ELMO1: variants seen among roughly 807,000 people sequenced by gnomAD.
ELMO1 encodes engulfment and cell motility 1, also known as engulfment and cell motility protein 1.
A neutral mutation model predicts 98.9 loss-of-function variants in ELMO1; 26 were observed. That is an observed-to-expected ratio of 0.26 (90% CI 0.19 to 0.36). The LOEUF (loss-of-function observed/expected upper bound fraction) is 0.36, where lower values mean the gene tolerates loss of function less well. Among genes scored for constraint, ELMO1 ranks in the 10% least tolerant of loss-of-function variants. ELMO1 has a pLI of 1.00. For synonymous variants in ELMO1, 346 were observed against 346.0 expected (o/e 1.00, Z 0.00); for missense variants, 627 against 935.2 (o/e 0.67, Z 4.30).
At chr7:36,930,994 T>C (rs549199774) in intron 16 of ELMO1, among the ~76,000 whole-genome samples, 16 of 152,366 alleles carry the variant, frequency 1.1e-4, no homozygotes, top group African/African-American at 3.8e-4. Context: ...AGTTTCTTTC[T>C]TTCCTATTAC....
intron 13 of ELMO1, among the ~76,000 whole-genome samples, chr7:37,169,022 A>G (rs1584755397): frequency 2.6e-5 from 4 of 151,934 alleles, no homozygotes; most frequent in Admixed American, 2.6e-4. Context: ...TGCTTTGTTT[A>G]CCTAAGCAAG....
chr7:37,325,034 T>C (rs745572612), intron 2 of ELMO1, among the ~76,000 whole-genome samples: 11 of 152,212 alleles, frequency 7.2e-5, no homozygotes, highest in Non-Finnish European at 1.3e-4. Flanking sequence ...TGGTACATAG[T>C]AGGGCATTAC....
intron 14 of ELMO1, among the ~76,000 whole-genome samples, chr7:37,098,522 T>C (rs893335165): frequency 6.6e-6 from 1 of 152,118 alleles, no homozygotes; most frequent in African/African-American, 2.4e-5. Context: ...TATGTCAAGG[T>C]ATGTGAGAAA....
intron 15 of ELMO1, among the ~76,000 whole-genome samples, chr7:37,036,690 T>C (rs899995031): frequency 2.6e-5 from 4 of 152,190 alleles, no homozygotes; most frequent in Non-Finnish European, 5.9e-5. Context: ...AGGATTGTTA[T>C]AGGAGGTTAC....
At chr7:37,410,965 T>C (rs1332437493) in intron 1 of ELMO1, among the ~76,000 whole-genome samples, 1 of 152,230 alleles carries the variant, frequency 6.6e-6, no homozygotes, top group Non-Finnish European at 1.5e-5. Context: ...AGAGAATTAA[T>C]GTTTACTGCA....
At chr7:37,405,950 C>A (rs1170162430) in intron 1 of ELMO1, among the ~76,000 whole-genome samples, 1 of 152,202 alleles carries the variant, frequency 6.6e-6, no homozygotes, top group African/African-American at 2.4e-5. Context: ...TGGAAAATGT[C>A]AACACTTGCT....
chr7:37,203,581 G>A (rs1420193012), intron 13 of ELMO1, among the ~76,000 whole-genome samples: 3 of 152,174 alleles, frequency 2.0e-5, no homozygotes, highest in Admixed American at 1.3e-4. Flanking sequence ...CCTAAAGAAG[G>A]TAACAGAGTC....
At chr7:37,121,211 A>G (rs961407038) in intron 14 of ELMO1, among the ~76,000 whole-genome samples, 1 of 152,242 alleles carries the variant, frequency 6.6e-6, no homozygotes, top group Non-Finnish European at 1.5e-5. Flanking sequence ...TCTAAAAATC[A>G]GAGCGCCTCT....
chr7:37,089,825 A>G (rs1349032855), intron 15 of ELMO1, among the ~76,000 whole-genome samples: 2 of 152,194 alleles, frequency 1.3e-5, no homozygotes, highest in African/African-American at 4.8e-5. Context: ...ACATAACTCC[A>G]GTTTTCTTTA....
intron 13 of ELMO1, among the ~76,000 whole-genome samples, chr7:37,170,642 C>CT (rs1013509292): frequency 2.7e-5 from 4 of 147,056 alleles, no homozygotes; most frequent in African/African-American, 1.0e-4. Flanking sequence ...CAGAGTCTCA[C>CT]TCTGTCACCC....
intron 15 of ELMO1, among the ~76,000 whole-genome samples, chr7:37,069,313 G>C (rs1001333780): frequency 3.3e-5 from 5 of 152,076 alleles, no homozygotes; most frequent in Non-Finnish European, 7.4e-5. Context: ...ATAGATCTAA[G>C]CGATCTATTT....
At chr7:36,914,287 C>T (rs1415945389) in intron 16 of ELMO1, among the ~76,000 whole-genome samples, 1 of 152,142 alleles carries the variant, frequency 6.6e-6, no homozygotes, top group African/African-American at 2.4e-5. Flanking sequence ...TTGTTTGTAG[C>T]TAAAGAAATA....
At chr7:37,167,532 T>C (rs1490968007) in intron 13 of ELMO1, among the ~76,000 whole-genome samples, 26 of 149,692 alleles carry the variant, frequency 1.7e-4, no homozygotes, top group Non-Finnish European at 4.5e-5. Context: ...AGGGCAGGCC[T>C]GGTGGTGACA....
intron 1 of ELMO1, among the ~76,000 whole-genome samples, chr7:37,401,686 G>A (rs915888218): frequency 8.5e-5 from 13 of 152,166 alleles, no homozygotes; most frequent in Non-Finnish European, 1.9e-4. Flanking sequence ...CAGATCTTGT[G>A]AGAATACACT....
intron 16 of ELMO1, among the ~76,000 whole-genome samples, chr7:36,961,919 G>C (rs1397191762): frequency 2.0e-5 from 3 of 152,212 alleles, no homozygotes; most frequent in African/African-American, 7.2e-5. Flanking sequence ...TGCATTAGCA[G>C]AGAAGCAAAA....
intron 15 of ELMO1, among the ~76,000 whole-genome samples, chr7:37,017,214 T>C (rs1177217461): frequency 6.6e-6 from 1 of 152,202 alleles, no homozygotes; most frequent in Non-Finnish European, 1.5e-5. Flanking sequence ...AGAAATCATC[T>C]ACCTGGTTCC....
At chr7:36,913,097 C>T (rs1385612081) in intron 16 of ELMO1, among the ~76,000 whole-genome samples, 1 of 152,164 alleles carries the variant, frequency 6.6e-6, no homozygotes, top group Non-Finnish European at 1.5e-5. Flanking sequence ...AGACAAGGAA[C>T]GGTGGAGCAT....
At chr7:36,934,661 A>G (rs1418238728) in intron 16 of ELMO1, among the ~76,000 whole-genome samples, 1 of 152,254 alleles carries the variant, frequency 6.6e-6, no homozygotes, top group Admixed American at 6.5e-5. Context: ...AATAATGGGC[A>G]AAATAGTTTT....
chr7:37,226,341 TCCTTGGCAAGC>T (rs1235573567), intron 8 of ELMO1, among the ~76,000 whole-genome samples: 2 of 152,210 alleles, frequency 1.3e-5, no homozygotes, highest in Non-Finnish European at 2.9e-5. Context: ...ATGTTTACTA[TCCTTGGCAAGC>T]CCTTGACTTA....
Sources: gnomAD v4.1 joint callset for allele counts (sites outside exome capture counted in the v4.1 genomes callset) on GRCh38, gnomAD v4.1.1 for gene constraint, MANE v1.5 for transcripts, NCBI Gene and HGNC (gene_info 2026-07-23, HGNC 2026-07-21) for gene names.